NBAS: variants seen among roughly 807,000 people sequenced by gnomAD.
The protein encoded by NBAS is NBAS subunit of NRZ tethering complex.
NBAS carries 219 observed loss-of-function variants against 302.5 expected under a neutral mutation model. The observed-to-expected ratio is 0.72, with a 90% CI of 0.65 to 0.81. The LOEUF (loss-of-function observed/expected upper bound fraction) is 0.81. Among genes scored for constraint, NBAS ranks in the 30% least tolerant of loss-of-function variants. The probability of loss-of-function intolerance (pLI) is 0.00; values close to 1 mark genes in which losing one functional copy is unlikely to be tolerated. For missense variants in NBAS, 2,932 were observed against 2,841.6 expected, an observed-to-expected ratio of 1.03 and a Z score of -0.72; for synonymous variants, 1,118 against 1,021.6, an observed-to-expected ratio of 1.09 and a Z score of -1.80.
the NBAS span, among the ~76,000 whole-genome samples, chr2:15,048,425 C>A: frequency 6.6e-6 from 1 of 152,236 alleles, no homozygotes; most frequent in Non-Finnish European, 1.5e-5. Context: ...GCCCCCAGGC[C>A]TCCTCTCCAA....
intron 51 of NBAS, among the ~76,000 whole-genome samples, chr2:15,168,415 C>A (rs143616141): frequency 6.6e-6 from 1 of 152,154 alleles, no homozygotes; most frequent in Non-Finnish European, 1.5e-5. Context: ...AGAATAAAAT[C>A]CTGCCCACTA....
intron 23 of NBAS, among the ~76,000 whole-genome samples, chr2:15,423,309 C>T (rs1376511332): frequency 2.0e-5 from 3 of 152,056 alleles, no homozygotes; most frequent in Admixed American, 2.0e-4. Context: ...ATGTTCTTGG[C>T]CATCACCCAA....
intron 16 of NBAS, among the ~76,000 whole-genome samples, chr2:15,471,943 A>C (rs1679975482): frequency 6.6e-6 from 1 of 152,330 alleles, no homozygotes; most frequent in South Asian, 2.1e-4. Context: ...GAAACCACAT[A>C]GTCTGATATT....
chr2:15,135,474 G>A, the NBAS span, among the ~76,000 whole-genome samples: 1 of 152,164 alleles, frequency 6.6e-6, no homozygotes, highest in Non-Finnish European at 1.5e-5. Flanking sequence ...GGTGCAGTGG[G>A]AGCTCGAGGT....
chr2:15,030,840 CT>C, the NBAS span, among the ~76,000 whole-genome samples: 1 of 152,140 alleles, frequency 6.6e-6, no homozygotes, highest in Non-Finnish European at 1.5e-5. Flanking sequence ...ATATCACCCC[CT>C]CTCCTCCCAG....
intron 44 of NBAS, among the ~76,000 whole-genome samples, chr2:15,243,292 G>A (rs965547323): frequency 1.1e-4 from 17 of 152,064 alleles, no homozygotes; most frequent in African/African-American, 3.9e-4. Context: ...TTTCAGAGCC[G>A]GGCAATAAAA....
In NBAS at chr2:15,379,630, G is replaced by A; in HGVS notation, c.3562C>T (p.Leu1188Phe). Reference protein sequence around the residue: ...SREYFNSSTNLTDSCMDLARC... With the variant: ...SREYFNSSTNFTDSCMDLARC... ...GCTAGATCCATGCAGCTATCAGTGA[G>A]GTTGGTAGAAGAATTGAAGTACTCT... Residue 1188 changes from leucine to phenylalanine, a missense_variant, in exon 30 of 52, where the codon CTC becomes TTC. Coordinates refer to ENST00000281513, the MANE Select transcript of NBAS (RefSeq NM_015909.4). The A allele has an allele frequency of 6.2e-7, 1 of 1,613,886 alleles. No individual in the cohort carries two copies. Among genetic ancestry groups the A allele is most frequent in the Non-Finnish European group, 8.5e-7 (1 of 1,179,958 alleles).
At chr2:15,146,835 A>G in the NBAS span, among the ~76,000 whole-genome samples, 2 of 152,130 alleles carry the variant, frequency 1.3e-5, no homozygotes, top group Non-Finnish European at 2.9e-5. Flanking sequence ...CGACCCACAC[A>G]TAATGGGTAC....
At chr2:15,056,700 G>A in the NBAS span, among the ~76,000 whole-genome samples, 5 of 152,176 alleles carry the variant, frequency 3.3e-5, no homozygotes, top group African/African-American at 9.7e-5. Context: ...CTAAGGAAGC[G>A]GGAGCAGGGT....
chr2:14,986,273 G>A, the NBAS span, among the ~76,000 whole-genome samples: 3 of 151,874 alleles, frequency 2.0e-5, no homozygotes, highest in South Asian at 6.3e-4. Context: ...GATATGGATT[G>A]AAATGTTCCA....
At chr2:14,855,055 C>T in the NBAS span, among the ~76,000 whole-genome samples, 2 of 152,010 alleles carry the variant, frequency 1.3e-5, no homozygotes, top group Non-Finnish European at 2.9e-5. Context: ...GTGGTGAGAA[C>T]TTTGTCTTGT....
chr2:14,898,836 T>C, the NBAS span, among the ~76,000 whole-genome samples: 2 of 152,222 alleles, frequency 1.3e-5, no homozygotes, highest in Non-Finnish European at 2.9e-5. Flanking sequence ...CTCAGGTATG[T>C]CTTTATCAGC....
intron 44 of NBAS, among the ~76,000 whole-genome samples, chr2:15,273,634 C>T (rs1250509467): frequency 6.6e-6 from 1 of 152,222 alleles, no homozygotes; most frequent in Non-Finnish European, 1.5e-5. Flanking sequence ...TACTCAGCCA[C>T]AACCTCTGTC....
Position 15,330,638 on chromosome 2 carries a change from T to C in NBAS, c.4307A>G (p.Gln1436Arg), listed in dbSNP as rs1362140514. The C allele has an allele frequency of 3.1e-6, 5 of 1,613,902 alleles. No homozygotes were observed. In the East Asian group the frequency reaches 6.7e-5, roughly 22 times the overall value. ...GTAAGTTAAAGACTTCTTCCACCAC[T>C]GCCCATCACTGACGGCCTGCAGCAC... The part of the protein sequence containing the change: ...KAVLQAVSDG[Q>R]WWKKSLTYLR... The change falls in exon 36 of 52, where the codon CAG (glutamine) becomes CGG (arginine). Residue 1436 changes from glutamine (Q) to arginine (R), a missense_variant. By Grantham distance (43) the Gln-to-Arg change is conservative. Coordinates refer to ENST00000281513, the MANE Select transcript of NBAS (RefSeq NM_015909.4).
chr2:15,278,114 A>C (rs1280236153), intron 42 of NBAS, among the ~76,000 whole-genome samples: 3 of 152,188 alleles, frequency 2.0e-5, no homozygotes, highest in Non-Finnish European at 4.4e-5. Flanking sequence ...TGTTTACTGA[A>C]AGTGCCCAAA....
chr2:15,288,589 T>C (rs1180972113), intron 41 of NBAS, among the ~76,000 whole-genome samples: 8 of 152,334 alleles, frequency 5.3e-5, no homozygotes, highest in Middle Eastern at 3.4e-3. Flanking sequence ...TCGCCAGATT[T>C]GAGAATCTCT....
rs940051359 is a variant in NBAS, at chr2:15,280,982, C to T, written c.5139-3881G>A. Among the ~76,000 whole-genome samples the T allele has an allele frequency of 2.0e-5, 3 of 152,172 alleles. No individual in the cohort carries two copies. The South Asian group carries it at 6.2e-4, about 32-fold the overall frequency. On this transcript the variant is annotated intron_variant, in intron 42 of 51. Coordinates refer to ENST00000281513, the MANE Select transcript of NBAS (RefSeq NM_015909.4). ...GAAAACGTGGTCAAGATAATCATGG[C>T]ATTTTTTAGTTTTGCCAACATTCTG...
chr2:15,554,290 C>G (rs1664539322), intron 3 of NBAS, 152 bp from the exon 4 acceptor site: 1 of 711,122 alleles, frequency 1.4e-6, no homozygotes, highest in African/African-American at 1.8e-5. Flanking sequence ...CCCAAAGTTA[C>G]TATTTGGTAG....
intron 21 of NBAS, among the ~76,000 whole-genome samples, chr2:15,454,402 TA>T (rs539471228): frequency 1.3e-4 from 19 of 146,832 alleles, no homozygotes; most frequent in African/African-American, 2.0e-4. Context: ...GGATATTAGT[TA>T]AAAAAAAAAA....
Sources: gnomAD v4.1 joint callset for allele counts (sites outside exome capture counted in the v4.1 genomes callset) on GRCh38, gnomAD v4.1.1 for gene constraint, MANE v1.5 for transcripts, NCBI Gene and HGNC (gene_info 2026-07-23, HGNC 2026-07-21) for gene names.